The following SLF2 variants were observed in gnomAD, a reference collection of about 807,000 sequenced individuals.
SLF2 encodes the protein SMC5/6 complex localization factor 2, also known as SMC5-SMC6 complex localization factor protein 2.
In SLF2, 68 loss-of-function variants were observed where a neutral mutation model predicts 124.3. The observed-to-expected ratio is 0.55, with a 90% CI of 0.45 to 0.67. The LOEUF (loss-of-function observed/expected upper bound fraction) is 0.67. Ranked by LOEUF, SLF2 falls within the 30% of genes least tolerant of loss-of-function variation. The pLI, the probability that SLF2 is intolerant of heterozygous loss-of-function variation, is 0.00. For missense variants in SLF2, 1,246 were observed against 1,373.7 expected (o/e 0.91, Z 1.47); for synonymous variants, 480 against 478.8 (o/e 1.00, Z -0.03).
intron 17 of SLF2, among the ~76,000 whole-genome samples, chr10:100,954,528 G>A (rs1340096124): frequency 5.9e-5 from 9 of 151,874 alleles, no homozygotes; most frequent in Non-Finnish European, 1.3e-4. Flanking sequence ...GTTCATTTAC[G>A]TTCTCACCAA....
At chr10:100,927,169 G>A (rs373624540) in intron 6 of SLF2, among the ~76,000 whole-genome samples, 2 of 151,912 alleles carry the variant, frequency 1.3e-5, no homozygotes, top group African/African-American at 2.4e-5. Flanking sequence ...TTTATATGTT[G>A]TGCAACCATT....
intron 9 of SLF2, among the ~76,000 whole-genome samples, 158 bp from the exon 10 acceptor site, chr10:100,937,244 C>T (rs1849881450): frequency 6.6e-6 from 1 of 152,122 alleles, no homozygotes; most frequent in Non-Finnish European, 1.5e-5. Flanking sequence ...CTCCTAAGCT[C>T]AAGGTATCCG....
At position 100,913,809 on chromosome 10, in the gene SLF2, T is replaced by C. The variant is rs900715294; in HGVS notation, c.140+559T>C. Reference sequence around the variant, plus strand: ...AAGAGGCTAATTTTTTTGTAAAGATTTTGTGGGAGCTATGTAATGAGATGG... The same window carrying C: ...AAGAGGCTAATTTTTTTGTAAAGATCTTGTGGGAGCTATGTAATGAGATGG... On this transcript the variant is annotated intron_variant, in intron 1 of 19. Coordinates refer to ENST00000238961, the MANE Select transcript of SLF2 (RefSeq NM_018121.4). 7.1e-6 allele frequency: 7 copies of C among 985,564 alleles called. No individual in the cohort carries two copies. The African/African-American group carries it at 1.0e-4, about 15-fold the overall frequency. The allele number at this position is 985,564 out of a possible 1,614,324, so 61.1% of individuals were successfully genotyped here. A position where few individuals can be genotyped will look rare whatever the true frequency, so the allele number is the denominator to read the frequency against.
chr10:100,929,813 CTTTTT>C lies in SLF2; in HGVS notation c.2166-14_2166-10del. 6.4e-7 allele frequency: 1 copy of C among 1,558,054 alleles called. No individual in the cohort carries two copies. Among genetic ancestry groups the C allele is most frequent in the Non-Finnish European group, 8.7e-7 (1 of 1,154,234 alleles). ...AGTGTAACAATTTGGTATTGATTGA[CTTTTT>C]TTATGTTTCAGGGAATTTCTAAAGA... On this transcript the variant is annotated splice_polypyrimidine_tract_variant and intron_variant, in intron 7 of 19. Transcript: ENST00000238961.
Position 100,916,629 on chromosome 10 carries a change from T to C in SLF2, c.244T>C (p.Ser82Pro). ...CATCAAATATGGAGGAAGTAGATTG[T>C]CTATCACTGGGACAGAGCAGTTTGA... ...SNIKYGGSRLSITGTEQFERK... is the reference protein window; with the variant it reads ...SNIKYGGSRLPITGTEQFERK... Residue 82 changes from serine (S) to proline (P), a missense_variant, in exon 3 of 20, where the codon TCT (serine) becomes CCT (proline). By Grantham distance (74) the Ser-to-Pro change is moderately conservative. Coordinates refer to ENST00000238961, the MANE Select transcript of SLF2 (RefSeq NM_018121.4). 1 of 1,478,514 alleles carries C rather than the reference T, an allele frequency of 6.8e-7. No homozygotes were observed. The highest frequency in any genetic ancestry group is 9.0e-7 in the Non-Finnish European group (1 of 1,116,622). The allele number at this position is 1,478,514 out of a possible 1,614,324, so 91.6% of individuals were successfully genotyped here.
rs553587448 is a variant in SLF2 at position 100,953,657 on chromosome 10, A to T, written c.3331-2794A>T. Among the ~76,000 whole-genome samples the T allele has an allele frequency of 9.9e-4, 149 of 151,116 alleles. 1 individual carries two copies. The South Asian group carries it at 0.017, about 17-fold the overall frequency. ...TCCTTTTTTTCCTCTTTAAAAAAAAATTTTTTTTTCTTTTTGAGACAGTCT... is the reference window on the plus strand; with the variant it reads ...TCCTTTTTTTCCTCTTTAAAAAAAATTTTTTTTTTCTTTTTGAGACAGTCT... On this transcript the variant is annotated intron_variant, in intron 17 of 19. Coordinates refer to ENST00000238961, the MANE Select transcript of SLF2 (RefSeq NM_018121.4).
Position 100,929,856 on chromosome 10 carries a change from C to T in SLF2, c.2192C>T (p.Thr731Ile), listed in dbSNP as rs893762928. The change falls in exon 8 of 20, where the codon ACA becomes ATA. Residue 731 changes from threonine (T) to isoleucine (I), a missense_variant. Thr to Ile is a moderately conservative substitution (Grantham distance 89, BLOSUM62 -1). This residue lies in a region of SLF2 where 535 missense variants were observed against 632.8 expected (regional missense o/e 0.85). Transcript: ENST00000238961. Reference sequence around the variant, plus strand: ...GAATTTCTAAAGAAATTTTCAGTTACAATTGATGCTATTCCTGATCATCAT... The same window carrying T: ...GAATTTCTAAAGAAATTTTCAGTTATAATTGATGCTATTCCTGATCATCAT... ...HKEFLKKFSV[T>I]IDAIPDHHPG... is the part of the protein sequence containing the mutation. The T allele has an allele frequency of 1.3e-6, 2 of 1,577,936 alleles. No individual in the cohort carries two copies. The highest frequency in any genetic ancestry group is 8.5e-7 in the Non-Finnish European group (1 of 1,169,702).
intron 4 of SLF2, among the ~76,000 whole-genome samples, chr10:100,918,848 T>C (rs1849472023): frequency 6.6e-6 from 1 of 151,838 alleles, no homozygotes; most frequent in African/African-American, 2.4e-5. Flanking sequence ...GGTCTCAAAC[T>C]CCTGAGCTCA....
chr10:100,932,517 A>T (rs575633118), intron 9 of SLF2, among the ~76,000 whole-genome samples: 1 of 152,262 alleles, frequency 6.6e-6, no homozygotes, highest in East Asian at 1.9e-4. Flanking sequence ...ATTTCAAGAA[A>T]TCTCGTATTT....
At chr10:100,957,435 C>T (rs1295883617) in intron 18 of SLF2, among the ~76,000 whole-genome samples, 1 of 147,858 alleles carries the variant, frequency 6.8e-6, no homozygotes, top group East Asian at 2.1e-4. Context: ...ACTGCAACCC[C>T]CGCCTTCCAG....
chr10:100,921,289 C>T (rs1183821132), intron 4 of SLF2, among the ~76,000 whole-genome samples: 1 of 152,150 alleles, frequency 6.6e-6, no homozygotes, highest in Non-Finnish European at 1.5e-5. Flanking sequence ...GATTGTAGCT[C>T]ACTTGCAGCA....
Position 100,938,731 on chromosome 10 carries a change from T to C in SLF2, c.2649T>C (p.Tyr883=). Residue 883 remains tyrosine (Y), a synonymous_variant, in exon 11 of 20, where the codon TAT becomes TAC. Coordinates refer to ENST00000238961, the MANE Select transcript of SLF2 (RefSeq NM_018121.4). The part of the protein sequence containing the change: ...ENLQPDFNED[Y]LVSETQTTSR... ...TTCAGCCAGACTTTAATGAAGACTA[T>C]CTAGTGTAAGTTTTCTCATCATAAT... 6.2e-7 allele frequency: 1 copy of C among 1,604,680 alleles called. No individual in the cohort carries two copies. Among genetic ancestry groups the C allele is most frequent in the Non-Finnish European group, 8.5e-7 (1 of 1,177,272 alleles).
chr10:100,924,795 G>T lies in SLF2; in HGVS notation c.1794G>T (p.Arg598Ser). Residue 598 changes from arginine to serine, a missense_variant, in exon 5 of 20, where the codon AGG (arginine) becomes AGT (serine). By Grantham distance (110) the Arg-to-Ser change is moderately radical (BLOSUM62 -1). Coordinates refer to ENST00000238961, the MANE Select transcript of SLF2 (RefSeq NM_018121.4). Reference protein sequence around the residue: ...AGSSALKRKLRGDFDSDEESL... With the variant: ...AGSSALKRKLSGDFDSDEESL... ...GCAGTGCACTGAAAAGAAAACTAAG[G>T]GGTGATTTTGATAGTGATGAAGAAA... 6.2e-7 allele frequency: 1 copy of T among 1,614,136 alleles called. No individual in the cohort carries two copies. Among genetic ancestry groups the T allele is most frequent in the South Asian group, 1.1e-5 (1 of 91,070 alleles).
At chr10:100,914,028 G>C (rs1285324589) in intron 1 of SLF2, 1 of 379,648 alleles carries the variant, frequency 2.6e-6, no homozygotes, top group South Asian at 1.1e-4. Flanking sequence ...AACGTTTTCA[G>C]TAAGTTTGGC....
chr10:100,949,598 CTT>C (rs1283936572), intron 15 of SLF2, among the ~76,000 whole-genome samples: 5 of 144,564 alleles, frequency 3.5e-5, no homozygotes, highest in Non-Finnish European at 6.1e-5. Context: ...CTTAAAATCC[CTT>C]TTTTTTTTTT....
At chr10:100,929,771 A>G in intron 7 of SLF2, 59 bp from the exon 8 acceptor site, 1 of 1,319,178 alleles carries the variant, frequency 7.6e-7, no homozygotes, top group Non-Finnish European at 1.0e-6. Context: ...CCAGCTTTTA[A>G]ATACAAAACT....
intron 18 of SLF2, 132 bp from the exon 19 acceptor site, chr10:100,959,296 T>C (rs1850386299): frequency 2.8e-6 from 2 of 709,414 alleles, no homozygotes; most frequent in Non-Finnish European, 4.3e-6. Flanking sequence ...ATTTTCTCTT[T>C]GTTGACAGAA....
Position 100,924,174 on chromosome 10 carries a change from T to C in SLF2, c.1173T>C (p.Asp391=). Residue 391 remains aspartate, a synonymous_variant, in exon 5 of 20, where the codon GAT becomes GAC. Coordinates refer to ENST00000238961, the MANE Select transcript of SLF2 (RefSeq NM_018121.4). ...CTGGTGATGTGTTGCGCTTAGAAGATATATCCAAGGAACCGAGTGATGAAA... is the reference window on the plus strand; with the variant it reads ...CTGGTGATGTGTTGCGCTTAGAAGACATATCCAAGGAACCGAGTGATGAAA... ...KTPGDVLRLE[D]ISKEPSDETD... is the part of the protein sequence containing the mutation. The C allele has an allele frequency of 1.2e-6, 2 of 1,614,086 alleles. No homozygotes were observed. The highest frequency in any genetic ancestry group is 1.7e-6 in the Non-Finnish European group (2 of 1,180,010).
chr10:100,953,450 C>A (rs1850261871), intron 17 of SLF2, among the ~76,000 whole-genome samples: 1 of 150,180 alleles, frequency 6.7e-6, no homozygotes, highest in South Asian at 2.1e-4. Context: ...CTGGGCAATG[C>A]CATCTCTGTT....
Sources: gnomAD v4.1 joint callset for allele counts (sites outside exome capture counted in the v4.1 genomes callset) on GRCh38, gnomAD v4.1.1 for gene constraint, gnomAD v4.1.1 regional missense constraint, MANE v1.5 for transcripts, NCBI Gene and HGNC (gene_info 2026-07-23, HGNC 2026-07-21) for gene names.